The following DIP2C variants were observed in gnomAD, a reference collection of about 807,000 sequenced individuals.
DIP2C encodes the protein DIP2 acetate--CoA ligase C (putative), also known as disco-interacting protein 2 homolog C.
Under a neutral mutation model 192.4 loss-of-function variants are expected in DIP2C, and 33 were observed. The observed-to-expected ratio is 0.17, with a 90% confidence interval of 0.13 to 0.23. The LOEUF (loss-of-function observed/expected upper bound fraction) is 0.23, where lower values mean the gene tolerates loss of function less well. DIP2C is among the 10% of genes least tolerant of loss of function. The pLI, the probability that DIP2C is intolerant of heterozygous loss-of-function variation, is 1.00. For missense variants in DIP2C, 1,537 were observed against 2,110.1 expected, an observed-to-expected ratio of 0.73 and a Z score of 5.32; for synonymous variants, 979 against 864.1, an observed-to-expected ratio of 1.13 and a Z score of -2.33.
At chr10:535,278 C>G (rs1847636393) in intron 1 of DIP2C, among the ~76,000 whole-genome samples, 1 of 151,872 alleles carries the variant, frequency 6.6e-6, no homozygotes, top group African/African-American at 2.4e-5. Context: ...AGAGTCAGGG[C>G]CAGGGGTGGG....
intron 3 of DIP2C, among the ~76,000 whole-genome samples, chr10:464,303 AAAC>A (rs983459515): frequency 1.3e-5 from 2 of 152,130 alleles, no homozygotes; most frequent in Non-Finnish European, 2.9e-5. Flanking sequence ...TTACAAGAAA[AAAC>A]AACCCCATCA....
At chr10:547,969 G>A (rs749165096) in intron 1 of DIP2C, among the ~76,000 whole-genome samples, 3 of 152,224 alleles carry the variant, frequency 2.0e-5, no homozygotes, top group Non-Finnish European at 2.9e-5. Flanking sequence ...GCCTTCAAAT[G>A]CAGCTCAAAC....
intron 1 of DIP2C, among the ~76,000 whole-genome samples, chr10:606,241 C>CT (rs1445267222): frequency 6.7e-6 from 1 of 148,926 alleles, no homozygotes; most frequent in African/African-American, 2.6e-5. Flanking sequence ...CTCCACCCAC[C>CT]CCCCCAGAGG....
At chr10:346,618 T>C (rs1958481220) in intron 26 of DIP2C, among the ~76,000 whole-genome samples, 1 of 131,524 alleles carries the variant, frequency 7.6e-6, no homozygotes, top group African/African-American at 3.0e-5. Context: ...CGCGCATAGT[T>C]CTCCCGGGAA....
intron 4 of DIP2C, among the ~76,000 whole-genome samples, chr10:435,853 G>T (rs755445988): frequency 6.6e-6 from 1 of 151,920 alleles, no homozygotes; most frequent in Admixed American, 6.6e-5. Flanking sequence ...ATTTATAATT[G>T]TAGATTTAAA....
intron 1 of DIP2C, among the ~76,000 whole-genome samples, chr10:565,878 C>T (rs1463676393): frequency 6.6e-6 from 1 of 152,210 alleles, no homozygotes; most frequent in Non-Finnish European, 1.5e-5. Flanking sequence ...CACTGACCAG[C>T]ACTTCACACG....
At position 445,349 on chromosome 10, in the gene DIP2C, T is replaced by C. The variant is rs1295150852; in HGVS notation, c.269-4353A>G. Among the ~76,000 whole-genome samples, 3 of 152,138 alleles carry C rather than the reference T, an allele frequency of 2.0e-5. No individual in the cohort carries two copies. In the East Asian group the frequency reaches 5.8e-4, roughly 29 times the overall value. ...AAGAGTCTGTCTTGCACTGGACATCTGTATACATCTGTTGTGAAGAGTCTC... is the reference window on the plus strand; with the variant it reads ...AAGAGTCTGTCTTGCACTGGACATCCGTATACATCTGTTGTGAAGAGTCTC... On this transcript the variant is annotated intron_variant, in intron 3 of 36. Transcript: ENST00000280886.
chr10:327,115 C>A lies in DIP2C; in HGVS notation c.3815G>T (p.Arg1272Leu). 6.2e-7 allele frequency: 1 copy of A among 1,614,126 alleles called. No individual in the cohort carries two copies. The highest frequency in any genetic ancestry group is 8.5e-7 in the Non-Finnish European group (1 of 1,180,032). ...TCVVVAEERP[R>L]IALTQSFSKL... The stretch of plus-strand genomic sequence containing the variant: ...TGAGAACGACTGTGTGAGTGCGATC[C>A]GAGGCCTCTCTTCCGCCACAACCAC... The change falls in exon 31 of 37, where the codon CGG (arginine) becomes CTG (leucine). Residue 1272 changes from arginine (R) to leucine (L), a missense_variant. Arg to Leu is a moderately radical substitution (Grantham distance 102, BLOSUM62 -2). Transcript: ENST00000280886.
chr10:330,812 ATTTTTT>A (rs56343363), intron 29 of DIP2C, among the ~76,000 whole-genome samples: 3 of 133,390 alleles, frequency 2.2e-5, no homozygotes, highest in South Asian at 4.9e-4. Context: ...AACCTACACA[ATTTTTT>A]TTTTTTTTTT....
intron 1 of DIP2C, among the ~76,000 whole-genome samples, chr10:491,453 G>A (rs533558780): frequency 1.5e-4 from 23 of 152,320 alleles, no homozygotes; most frequent in Admixed American, 9.1e-4. Flanking sequence ...CCGCAGCCTC[G>A]TTTTTAAATC....
chr10:412,085 C>G (rs542705195), intron 8 of DIP2C, among the ~76,000 whole-genome samples: 1 of 152,212 alleles, frequency 6.6e-6, no homozygotes, highest in African/African-American at 2.4e-5. Context: ...CTGTGTCTTA[C>G]GTCTCCCATT....
At chr10:353,052 G>A (rs112396964) in intron 24 of DIP2C, among the ~76,000 whole-genome samples, 3 of 152,022 alleles carry the variant, frequency 2.0e-5, no homozygotes, top group Non-Finnish European at 4.4e-5. Context: ...CATTCACTGG[G>A]GTTTCCGTCC....
chr10:657,531 A>G (rs189650956), intron 1 of DIP2C, among the ~76,000 whole-genome samples: 14,558 of 18,806 alleles, frequency 0.77, 5,646 homozygotes, highest in Middle Eastern at 0.93. Context: ...ACCTGCCGCT[A>G]GACCTGTCCC....
At chr10:637,938 G>C (rs1854927745) in intron 1 of DIP2C, among the ~76,000 whole-genome samples, 4 of 152,188 alleles carry the variant, frequency 2.6e-5, no homozygotes, top group Admixed American at 2.6e-4. Flanking sequence ...AGCTGACTGA[G>C]AGACACAAGC....
At chr10:279,340 T>C (rs143224034) in intron 36 of DIP2C, among the ~76,000 whole-genome samples, 2 of 152,266 alleles carry the variant, frequency 1.3e-5, no homozygotes, top group Non-Finnish European at 1.5e-5. Context: ...TTGAAATGTA[T>C]GGAATAGTCC....
chr10:569,436 A>G (rs1564209000), intron 1 of DIP2C, among the ~76,000 whole-genome samples: 1 of 130,180 alleles, frequency 7.7e-6, no homozygotes, highest in African/African-American at 3.2e-5. Flanking sequence ...TGAGATACAT[A>G]ATGATGTGTG....
At chr10:560,555 G>C (rs547282731) in intron 1 of DIP2C, among the ~76,000 whole-genome samples, 1 of 152,134 alleles carries the variant, frequency 6.6e-6, no homozygotes, top group Non-Finnish European at 1.5e-5. Flanking sequence ...TTGATTCTCA[G>C]GCTGGTTTCA....
chr10:498,992 A>G (rs1275860451), intron 1 of DIP2C, among the ~76,000 whole-genome samples: 2 of 152,220 alleles, frequency 1.3e-5, no homozygotes, highest in Non-Finnish European at 2.9e-5. Flanking sequence ...CTCGGAGAAC[A>G]ACTTCTGCTT....
chr10:470,969 G>A (rs187964836), intron 3 of DIP2C, among the ~76,000 whole-genome samples: 1 of 152,290 alleles, frequency 6.6e-6, no homozygotes, highest in Admixed American at 6.5e-5. Context: ...CACAGTGAGG[G>A]AAGCGTTGGT....
Sources: allele counts gnomAD v4.1 joint callset (sites outside exome capture counted in the v4.1 genomes callset), GRCh38; gene constraint gnomAD v4.1.1; transcripts MANE v1.5; gene names NCBI Gene and HGNC (gene_info 2026-07-23, HGNC 2026-07-21).